IQCK: variants seen among roughly 807,000 people sequenced by gnomAD.
The protein encoded by IQCK is IQ domain-containing protein K.
In IQCK, 29 loss-of-function variants were observed where a neutral mutation model predicts 28.1. That is an observed-to-expected ratio of 1.03 (90% CI 0.77 to 1.41). The LOEUF (loss-of-function observed/expected upper bound fraction) is 1.41, where lower values mean the gene tolerates loss of function less well. Among genes scored for constraint, IQCK ranks in the 40% most tolerant of loss-of-function variants. IQCK has a pLI of 0.00. For synonymous variants in IQCK, 113 were observed against 115.1 expected, an observed-to-expected ratio of 0.98 and a Z score of 0.12; for missense variants, 359 against 314.7, an observed-to-expected ratio of 1.14 and a Z score of -1.07.
At chr16:19,757,224 T>C (rs2055064866) in intron 4 of IQCK, among the ~76,000 whole-genome samples, 1 of 152,216 alleles carries the variant, frequency 6.6e-6, no homozygotes, top group African/African-American at 2.4e-5. Context: ...TTGACTTTTC[T>C]AGGTGGAATT....
At chr16:19,839,290 AGCTGGGATTACAGGC>A (rs917555486) in intron 9 of IQCK, among the ~76,000 whole-genome samples, 34 of 151,736 alleles carry the variant, frequency 2.2e-4, no homozygotes, top group African/African-American at 7.5e-4. Flanking sequence ...CCTCCCGAGT[AGCTGGGATTACAGGC>A]GCACGCCATC....
At position 19,839,686 on chromosome 16, in the gene IQCK, C is replaced by T. The variant is rs138294357; in HGVS notation, c.802+12549C>T. Among the ~76,000 whole-genome samples, 351 of 152,182 alleles carry T rather than the reference C, an allele frequency of 2.3e-3. 2 individuals carry two copies. Among genetic ancestry groups the T allele is most frequent in the African/African-American group, 7.8e-3 (323 of 41,536 alleles). On this transcript the variant is annotated intron_variant, in intron 9 of 9. Transcript: ENST00000320394. ...TTCCCAGATCAGCCAGCTTGCCAAA[C>T]GCTCTATGGGCAAGTAAACAGAACT...
chr16:19,737,869 C>T (rs995894235), intron 4 of IQCK, among the ~76,000 whole-genome samples: 2 of 152,096 alleles, frequency 1.3e-5, no homozygotes, highest in Non-Finnish European at 2.9e-5. Flanking sequence ...CTGAGCTCCT[C>T]TTCTCTGCAT....
chr16:19,842,184 C>T (rs766678318), intron 9 of IQCK, among the ~76,000 whole-genome samples: 8 of 152,106 alleles, frequency 5.3e-5, no homozygotes, highest in Non-Finnish European at 7.3e-5. Context: ...AGTGTCTTTT[C>T]CCACTGAGTG....
chr16:19,801,298 C>G (rs2055756619), intron 7 of IQCK, among the ~76,000 whole-genome samples: 1 of 108,814 alleles, frequency 9.2e-6, no homozygotes, highest in Admixed American at 8.0e-5. Flanking sequence ...CTCTCTCTCT[C>G]TCTCTTTTTT....
intron 6 of IQCK, among the ~76,000 whole-genome samples, chr16:19,781,715 G>C (rs1368038291): frequency 6.6e-6 from 1 of 152,168 alleles, no homozygotes; most frequent in Non-Finnish European, 1.5e-5. Context: ...TCGGCAGGGC[G>C]TGGTGGCTCA....
chr16:19,829,839 T>C (rs1015609908), downstream of IQCK, among the ~76,000 whole-genome samples: 1 of 152,154 alleles, frequency 6.6e-6, no homozygotes, highest in African/African-American at 2.4e-5. Context: ...TGCAATTACT[T>C]TTGCCCCAAC....
chr16:19,849,692 G>A (rs1029042340), intron 9 of IQCK, among the ~76,000 whole-genome samples: 1 of 151,636 alleles, frequency 6.6e-6, no homozygotes, highest in African/African-American at 2.4e-5. Context: ...AGCCCAGGAA[G>A]TCAAGACTGC....
At chr16:19,851,178 T>TAGTCC (rs2056476686) in intron 9 of IQCK, among the ~76,000 whole-genome samples, 2 of 152,190 alleles carry the variant, frequency 1.3e-5, no homozygotes, top group Admixed American at 1.3e-4. Flanking sequence ...GGCTCACAGT[T>TAGTCC]GACTGAGGCC....
At chr16:19,722,087 A>G (rs1699168171) in intron 1 of IQCK, among the ~76,000 whole-genome samples, 1 of 152,106 alleles carries the variant, frequency 6.6e-6, no homozygotes, top group Admixed American at 6.5e-5. Flanking sequence ...AGCTGAAGAA[A>G]GATGACCCCA....
At chr16:19,758,909 T>C (rs942039524) in intron 4 of IQCK, among the ~76,000 whole-genome samples, 1 of 152,202 alleles carries the variant, frequency 6.6e-6, no homozygotes, top group Non-Finnish European at 1.5e-5. Context: ...GAAACATCAA[T>C]TTCACAACAA....
chr16:19,780,110 C>G (rs902212058), intron 6 of IQCK, among the ~76,000 whole-genome samples: 1 of 151,364 alleles, frequency 6.6e-6, no homozygotes, highest in Non-Finnish European at 1.5e-5. Flanking sequence ...GGTGCGCTCT[C>G]AGCTCACAGC....
At chr16:19,745,182 TG>T (rs2054892746) in intron 4 of IQCK, among the ~76,000 whole-genome samples, 1 of 152,232 alleles carries the variant, frequency 6.6e-6, no homozygotes, top group Non-Finnish European at 1.5e-5. Context: ...TATTTGACCC[TG>T]CTGCATCGTC....
chr16:19,751,932 C>G (rs564120738), intron 4 of IQCK, among the ~76,000 whole-genome samples: 2 of 152,214 alleles, frequency 1.3e-5, no homozygotes, highest in East Asian at 1.9e-4. Flanking sequence ...TGGCCACACT[C>G]TACAAGAGTT....
chr16:19,856,186 T>G lies in IQCK; in HGVS notation c.803-301T>G, dbSNP rs114205608. ...GCCTGGAATCTGTCATCGTCTTTAG[T>G]AAAATTGCCTTCCTTCAGTACCCTG... is the stretch of plus-strand genomic sequence containing the variant. On this transcript the variant is annotated intron_variant, in intron 9 of 9. Transcript: ENST00000320394. Among the ~76,000 whole-genome samples, 575 of 152,362 alleles carry G rather than the reference T, an allele frequency of 3.8e-3. 6 individuals carry two copies. Among genetic ancestry groups the G allele is most frequent in the African/African-American group, 0.013 (552 of 41,592 alleles).
chr16:19,718,349 A>G lies in IQCK; in HGVS notation c.43A>G (p.Lys15Glu), dbSNP rs751571997. 23 of 1,610,308 alleles carry G rather than the reference A, an allele frequency of 1.4e-5. 1 individual carries two copies. The South Asian group carries it at 2.3e-4, about 16-fold the overall frequency. Reference sequence around the variant, plus strand: ...AATCCCCAGCCACATAGTGCGCCTCAAGCCCAGCTGCTCTACAGACTCGTC... The same window carrying G: ...AATCCCCAGCCACATAGTGCGCCTCGAGCCCAGCTGCTCTACAGACTCGTC... Residue 15 changes from lysine (K) to glutamate (E), a missense_variant, in exon 1 of 8, where the codon AAG becomes GAG. Physicochemically the swap from Lys to Glu is moderately conservative, Grantham distance 56 (BLOSUM62 1). Coordinates refer to ENST00000564186, the Ensembl canonical transcript of IQCK.
chr16:19,856,344 T>C, intron 9 of IQCK, 143 bp from the exon 9 acceptor site: 1 of 650,290 alleles, frequency 1.5e-6, no homozygotes, highest in Non-Finnish European at 2.8e-6. Flanking sequence ...CGTGGATCCA[T>C]GGGGCCGGAA....
At chr16:19,808,627 G>C (rs1320569980) in intron 7 of IQCK, among the ~76,000 whole-genome samples, 1 of 152,198 alleles carries the variant, frequency 6.6e-6, no homozygotes, top group African/African-American at 2.4e-5. Flanking sequence ...ATATTAGCAG[G>C]ACTGGTTATA....
At chr16:19,848,245 A>T (rs1597611590) in intron 9 of IQCK, among the ~76,000 whole-genome samples, 3 of 152,122 alleles carry the variant, frequency 2.0e-5, no homozygotes, top group Non-Finnish European at 2.9e-5. Context: ...TTAATGACTA[A>T]TGACGTTGCA....
Sources: gnomAD v4.1 joint callset for allele counts (sites outside exome capture counted in the v4.1 genomes callset) on GRCh38, gnomAD v4.1.1 for gene constraint, MANE v1.5 for transcripts, NCBI Gene and HGNC (gene_info 2026-07-23, HGNC 2026-07-21) for gene names.